Variants in WNK2 observed in about 807,000 individuals in gnomAD.
The protein encoded by WNK2 is WNK lysine deficient protein kinase 2.
WNK2 carries 67 observed loss-of-function variants against 192.1 expected under a neutral mutation model. The ratio of observed to expected loss-of-function variants is 0.35; its 90% CI spans 0.29 to 0.43. The LOEUF (loss-of-function observed/expected upper bound fraction) is 0.43. WNK2 is among the 20% of genes least tolerant of loss of function. The pLI, the probability that WNK2 is intolerant of heterozygous loss-of-function variation, is 1.00. For synonymous variants in WNK2, 1,439 were observed against 1,393.9 expected, an observed-to-expected ratio of 1.03 and a Z score of -0.72; for missense variants, 2,698 against 3,089.7, an observed-to-expected ratio of 0.87 and a Z score of 3.01.
chr9:93,217,045 G>T (rs1177059308), intron 2 of WNK2, among the ~76,000 whole-genome samples: 1 of 151,320 alleles, frequency 6.6e-6, no homozygotes, highest in East Asian at 1.9e-4. Context: ...TGCAACCTCT[G>T]CCTCCCAGGT....
At chr9:93,224,512 A>G (rs778749152) in intron 2 of WNK2, among the ~76,000 whole-genome samples, 1 of 152,074 alleles carries the variant, frequency 6.6e-6, no homozygotes, top group Non-Finnish European at 1.5e-5. Flanking sequence ...TCTTCTGACC[A>G]CCCTGGCTGT....
chr9:93,288,660 G>A (rs995323537), intron 19 of WNK2, 128 bp from the exon 20 acceptor site: 4 of 995,676 alleles, frequency 4.0e-6, no homozygotes, highest in East Asian at 2.8e-5. Context: ...CTGGCGTGTC[G>A]GGAAACAGAG....
At chr9:93,318,731 C>T in intron 29 of WNK2, 1 of 1,437,414 alleles carries the variant, frequency 7.0e-7, no homozygotes, top group Non-Finnish European at 9.1e-7. Context: ...AGACCGCTCT[C>T]CCGTCCAGCC....
intron 27 of WNK2, chr9:93,307,115 T>A (rs888497498): frequency 2.0e-5 from 10 of 488,356 alleles, no homozygotes; most frequent in African/African-American, 1.8e-4. Flanking sequence ...AATTGGCTCC[T>A]TTTCCAAAAC....
At chr9:93,268,785 T>G in intron 19 of WNK2, 39 bp downstream of exon 19, 1 of 1,596,564 alleles carries the variant, frequency 6.3e-7, no homozygotes, top group South Asian at 1.1e-5. Context: ...CCTCCCTGTT[T>G]CATGTACAGG....
At chr9:93,268,841 T>A in intron 19 of WNK2, 95 bp downstream of exon 19, 1 of 1,576,532 alleles carries the variant, frequency 6.3e-7, no homozygotes, top group Non-Finnish European at 8.6e-7. Context: ...CGTGCCCAGG[T>A]CCATGCAGGG....
chr9:93,261,381 G>A (rs1390886543), intron 12 of WNK2, among the ~76,000 whole-genome samples: 43 of 152,216 alleles, frequency 2.8e-4, no homozygotes, highest in Non-Finnish European at 5.9e-5. Flanking sequence ...CCAAGCCTAA[G>A]CCGCAGTCGC....
intron 12 of WNK2, among the ~76,000 whole-genome samples, chr9:93,260,307 G>C (rs999217686): frequency 6.6e-6 from 1 of 152,170 alleles, no homozygotes; most frequent in Non-Finnish European, 1.5e-5. Flanking sequence ...CGAGTGAGGT[G>C]AGAGGGGCTA....
At chr9:93,308,892 AGCAGGTAGCCC>A in intron 28 of WNK2, 1 of 1,252,910 alleles carries the variant, frequency 8.0e-7, no homozygotes, top group Non-Finnish European at 1.0e-6. Context: ...CCGCACTCAG[AGCAGGTAGCCC>A]TGGTCTTGGC....
At chr9:93,275,571 A>C (rs943612358) in intron 19 of WNK2, among the ~76,000 whole-genome samples, 3 of 152,226 alleles carry the variant, frequency 2.0e-5, no homozygotes, top group Non-Finnish European at 4.4e-5. Flanking sequence ...GTTTTCACCT[A>C]TCTTATTCAG....
chr9:93,319,068 C>T, intron 29 of WNK2: 1 of 1,612,030 alleles, frequency 6.2e-7, no homozygotes, highest in Non-Finnish European at 8.5e-7. Context: ...CCCCCTTGCC[C>T]TGTTCCTTGA....
chr9:93,289,293 G>T lies in WNK2; in HGVS notation c.4539G>T (p.Gln1513His). 1 of 1,599,396 alleles carries T rather than the reference G, an allele frequency of 6.3e-7. No individual in the cohort carries two copies. The change falls in exon 20 of 30, where the codon CAG (glutamine) becomes CAT (histidine). Residue 1513 changes from glutamine to histidine, a missense_variant. Gln to His is a conservative substitution (Grantham distance 24). Transcript: ENST00000427277. ...AVGAVSLATSQLPSPPLGPTV... is the reference protein window; with the variant it reads ...AVGAVSLATSHLPSPPLGPTV... ...GGGCCGTCAGCCTGGCCACCTCCCA[G>T]CTCCCAAGCCCACCCCTGGGGCCCA...
At position 93,246,473 on chromosome 9, in the gene WNK2, G is replaced by A. The variant is rs543022810; in HGVS notation, c.1543-1070G>A. Among the ~76,000 whole-genome samples, 122 of 152,306 alleles carry A rather than the reference G, an allele frequency of 8.0e-4. 5 individuals carry two copies. The South Asian group carries it at 0.024, about 30-fold the overall frequency. ...GAGCCTGCCTGTGCAGTCTGTCTGT[G>A]TTTATTCACTTCTGTTGTGCGCTTC... On this transcript the variant is annotated intron_variant, in intron 7 of 29. Transcript: ENST00000427277.
intron 19 of WNK2, among the ~76,000 whole-genome samples, chr9:93,287,262 C>T (rs1173297346): frequency 6.6e-6 from 1 of 152,118 alleles, no homozygotes; most frequent in Non-Finnish European, 1.5e-5. Flanking sequence ...GGCATTGGCT[C>T]CTGCTTGGGG....
chr9:93,318,002 C>A, intron 29 of WNK2: 3 of 1,612,760 alleles, frequency 1.9e-6, no homozygotes, highest in Non-Finnish European at 2.5e-6. Flanking sequence ...GCTTCCTTTG[C>A]GGCTTCAGAC....
chr9:93,191,288 A>G (rs1342510107), intron 2 of WNK2, among the ~76,000 whole-genome samples: 2 of 152,098 alleles, frequency 1.3e-5, no homozygotes, highest in Non-Finnish European at 2.9e-5. Flanking sequence ...AGAGAAGGGG[A>G]GGGAGCGGAT....
chr9:93,258,207 A>G (rs1251808117), intron 11 of WNK2, among the ~76,000 whole-genome samples: 2 of 152,202 alleles, frequency 1.3e-5, no homozygotes, highest in African/African-American at 4.8e-5. Flanking sequence ...AGCATGCACG[A>G]GAAGGCTGTC....
Position 93,293,022 on chromosome 9 carries a change from C to T in WNK2, c.5557C>T (p.Leu1853=), listed in dbSNP as rs2133887836. The T allele has an allele frequency of 6.2e-7, 1 of 1,601,170 alleles. No homozygotes were observed. The highest frequency in any genetic ancestry group is 1.3e-5 in the African/African-American group (1 of 74,506). ...GCAGAGGCCTTCTCGGGCCGGCTCG[C>T]TGGGCCCCGAGACACCCAGCAGGGT... The part of the protein sequence containing the change: ...FLQRPSRAGS[L]GPETPSRVGM... Residue 1853 remains leucine (L), a synonymous_variant, in exon 23 of 30, where the codon CTG becomes TTG. Transcript: ENST00000427277.
intron 2 of WNK2, among the ~76,000 whole-genome samples, chr9:93,221,117 C>T (rs1836802407): frequency 6.6e-6 from 1 of 152,190 alleles, no homozygotes; most frequent in Non-Finnish European, 1.5e-5. Flanking sequence ...GAGGGCGGGG[C>T]CCAGCACAGA....
Sources: gnomAD v4.1 joint callset for allele counts (sites outside exome capture counted in the v4.1 genomes callset) on GRCh38, gnomAD v4.1.1 for gene constraint, MANE v1.5 for transcripts, NCBI Gene and HGNC (gene_info 2026-07-23, HGNC 2026-07-21) for gene names.